Variants in CDH13 observed in about 807,000 individuals in gnomAD.
CDH13 encodes cadherin-13.
A neutral mutation model predicts 63.8 loss-of-function variants in CDH13; 24 were observed. The ratio of observed to expected loss-of-function variants is 0.38; its 90% CI spans 0.27 to 0.53. The LOEUF (loss-of-function observed/expected upper bound fraction) is 0.53, where lower values mean the gene tolerates loss of function less well. Ranked by LOEUF, CDH13 falls within the 20% of genes least tolerant of loss-of-function variation. The pLI, the probability that CDH13 is intolerant of heterozygous loss-of-function variation, is 0.85. For missense variants in CDH13, 1,049 were observed against 903.1 expected, an observed-to-expected ratio of 1.16 and a Z score of -2.07; for synonymous variants, 503 against 355.3, an observed-to-expected ratio of 1.42 and a Z score of -4.67.
intron 4 of CDH13, among the ~76,000 whole-genome samples, chr16:83,132,445 AC>A (rs1187699429): frequency 5.4e-4 from 12 of 22,208 alleles, no homozygotes; most frequent in East Asian, 2.4e-3. Flanking sequence ...ACCCCCCAAC[AC>A]CCCCCCCTTT....
chr16:83,098,781 G>C (rs975696570), intron 3 of CDH13, among the ~76,000 whole-genome samples: 1 of 152,078 alleles, frequency 6.6e-6, no homozygotes, highest in African/African-American at 2.4e-5. Flanking sequence ...CTGCTCTCAA[G>C]AATTTATTTT....
At chr16:83,018,752 T>C (rs1414549192) in intron 2 of CDH13, among the ~76,000 whole-genome samples, 1 of 152,256 alleles carries the variant, frequency 6.6e-6, no homozygotes, top group African/African-American at 2.4e-5. Context: ...TCTTACAACC[T>C]ATGGCTCCTC....
chr16:83,495,608 G>A (rs1016221574), intron 7 of CDH13, among the ~76,000 whole-genome samples: 2 of 152,174 alleles, frequency 1.3e-5, no homozygotes, highest in African/African-American at 2.4e-5. Flanking sequence ...AGCTTTGCAG[G>A]ACTATTTCAA....
intron 1 of CDH13, among the ~76,000 whole-genome samples, chr16:82,845,368 C>T (rs286666): frequency 0.27 from 40,314 of 152,126 alleles, 5,675 homozygotes; most frequent in Middle Eastern, 0.33. Flanking sequence ...CAAGCTCCTG[C>T]AGTGTAGGAG....
intron 8 of CDH13, among the ~76,000 whole-genome samples, chr16:83,663,668 C>G (rs944021140): frequency 3.9e-5 from 6 of 152,026 alleles, no homozygotes; most frequent in African/African-American, 1.5e-4. Flanking sequence ...AGAGGCATGC[C>G]CCAGGTTGTC....
chr16:83,709,599 A>T (rs9927288), intron 10 of CDH13, among the ~76,000 whole-genome samples: 2,889 of 152,376 alleles, frequency 0.019, 98 homozygotes, highest in African/African-American at 0.066. Flanking sequence ...AATTGCATAG[A>T]AAGCCAGTAT....
At chr16:83,517,984 T>G (rs10468352) in intron 7 of CDH13, among the ~76,000 whole-genome samples, 152,118 of 152,226 alleles carry the variant, frequency 1, 76,005 homozygotes, top group Middle Eastern at 1. Context: ...CCAGTGATAT[T>G]GTCTGGCTCT....
chr16:82,670,638 G>A (rs927683880), intron 1 of CDH13, among the ~76,000 whole-genome samples: 3 of 152,210 alleles, frequency 2.0e-5, no homozygotes, highest in African/African-American at 7.2e-5. Context: ...GAATGAGCTA[G>A]GCATTTGCAA....
intron 5 of CDH13, among the ~76,000 whole-genome samples, chr16:83,266,127 G>A (rs975429663): frequency 3.9e-5 from 6 of 151,914 alleles, no homozygotes; most frequent in African/African-American, 1.5e-4. Flanking sequence ...AGTAGAGACG[G>A]GGTTTTTACC....
chr16:83,092,241 A>G (rs917793686), intron 3 of CDH13, among the ~76,000 whole-genome samples: 1 of 152,256 alleles, frequency 6.6e-6, no homozygotes, highest in Non-Finnish European at 1.5e-5. Context: ...AGCAGGGACT[A>G]CAACCTAAAT....
At chr16:83,513,473 G>A (rs1309978105) in intron 7 of CDH13, among the ~76,000 whole-genome samples, 1 of 151,384 alleles carries the variant, frequency 6.6e-6, no homozygotes, top group Non-Finnish European at 1.5e-5. Flanking sequence ...ACCCTAGACT[G>A]AATAATTTAT....
chr16:83,557,907 G>C (rs997137250), intron 7 of CDH13, among the ~76,000 whole-genome samples: 1 of 152,124 alleles, frequency 6.6e-6, no homozygotes, highest in African/African-American at 2.4e-5. Context: ...ATATAAAAGA[G>C]AGACTGCTAA....
At position 83,097,312 on chromosome 16, in the gene CDH13, C is replaced by G. The variant is rs750352607; in HGVS notation, c.367-28073C>G. ...TAATCTGTTATAATGCTGCTCTTGC[C>G]TCATAACTTTTGTTCTTTGTATTCC... On this transcript the variant is annotated intron_variant, in intron 3 of 13. Transcript: ENST00000567109. Among the ~76,000 whole-genome samples, 11 of 152,304 alleles carry G rather than the reference C, an allele frequency of 7.2e-5. No individual in the cohort carries two copies. The Middle Eastern group carries it at 0.01, about 141-fold the overall frequency.
intron 2 of CDH13, among the ~76,000 whole-genome samples, chr16:82,927,211 A>G (rs1182156457): frequency 6.6e-5 from 10 of 152,128 alleles, no homozygotes; most frequent in Admixed American, 5.9e-4. Flanking sequence ...GTGATATTTT[A>G]TGACTGAGGC....
intron 1 of CDH13, among the ~76,000 whole-genome samples, chr16:82,757,090 C>CCT (rs2034639491): frequency 2.0e-5 from 3 of 152,250 alleles, no homozygotes; most frequent in African/African-American, 7.2e-5. Context: ...CACCTCCAGT[C>CCT]CTCTCTTCCC....
intron 7 of CDH13, among the ~76,000 whole-genome samples, chr16:83,517,279 C>G (rs1334875484): frequency 1.3e-5 from 2 of 152,220 alleles, no homozygotes; most frequent in Non-Finnish European, 2.9e-5. Context: ...TAAAAGCAAA[C>G]TTGAAATATT....
chr16:82,668,198 C>A (rs1045612841), intron 1 of CDH13, among the ~76,000 whole-genome samples: 1 of 152,132 alleles, frequency 6.6e-6, no homozygotes. Context: ...AACTACACCA[C>A]CAAACCCTGG....
intron 10 of CDH13, among the ~76,000 whole-genome samples, chr16:83,742,876 C>A (rs1284578278): frequency 2.6e-5 from 4 of 152,196 alleles, no homozygotes; most frequent in Non-Finnish European, 2.9e-5. Context: ...GGCAGGCATA[C>A]CTCCTTGAGG....
At chr16:83,235,977 C>G (rs1476991835) in intron 5 of CDH13, among the ~76,000 whole-genome samples, 1 of 152,138 alleles carries the variant, frequency 6.6e-6, no homozygotes, top group Non-Finnish European at 1.5e-5. Context: ...AATTGAAACT[C>G]ATGATGCTTT....
Sources: gnomAD v4.1 joint callset for allele counts (sites outside exome capture counted in the v4.1 genomes callset) on GRCh38, gnomAD v4.1.1 for gene constraint, MANE v1.5 for transcripts, NCBI Gene and HGNC (gene_info 2026-07-23, HGNC 2026-07-21) for gene names.